The following SLC26A8 variants were observed in gnomAD, a reference collection of about 807,000 sequenced individuals.
SLC26A8 encodes testis anion transporter 1.
SLC26A8 carries 70 observed loss-of-function variants against 105.0 expected under a neutral mutation model. The observed-to-expected ratio is 0.67, with a 90% CI of 0.55 to 0.81. The LOEUF (loss-of-function observed/expected upper bound fraction) is 0.81. Among genes scored for constraint, SLC26A8 ranks in the 40% least tolerant of loss-of-function variants. SLC26A8 has a pLI of 0.00. For missense variants in SLC26A8, 998 were observed against 1,181.8 expected, an observed-to-expected ratio of 0.84 and a Z score of 2.28; for synonymous variants, 415 against 438.3, an observed-to-expected ratio of 0.95 and a Z score of 0.66.
intron 11 of SLC26A8, among the ~76,000 whole-genome samples, chr6:35,963,449 A>T (rs1772390173): frequency 6.6e-6 from 1 of 152,162 alleles, no homozygotes. Flanking sequence ...AACCCACCAT[A>T]GCGCACTCAG....
intron 10 of SLC26A8, among the ~76,000 whole-genome samples, chr6:35,974,885 C>T (rs1014792341): frequency 2.0e-5 from 3 of 151,646 alleles, no homozygotes; most frequent in Non-Finnish European, 2.9e-5. Context: ...TACATGTGTG[C>T]GCCACAACAC....
intron 2 of SLC26A8, among the ~76,000 whole-genome samples, chr6:36,016,686 A>C (rs1417089420): frequency 1.3e-5 from 2 of 152,202 alleles, no homozygotes; most frequent in Non-Finnish European, 2.9e-5. Flanking sequence ...AAAATTATTC[A>C]ACCAAGACCG....
intron 10 of SLC26A8, among the ~76,000 whole-genome samples, chr6:35,971,102 A>T (rs1772780868): frequency 6.6e-6 from 1 of 152,148 alleles, no homozygotes; most frequent in South Asian, 2.1e-4. Context: ...CAAATCCCAT[A>T]AAATTAGCTG....
chr6:35,964,422 G>A (rs954112097), intron 11 of SLC26A8, among the ~76,000 whole-genome samples: 5 of 152,116 alleles, frequency 3.3e-5, no homozygotes, highest in Admixed American at 1.3e-4. Flanking sequence ...TGAGGCAGGC[G>A]AATCTCTTGA....
At chr6:36,016,324 A>G (rs1212808473) in intron 2 of SLC26A8, among the ~76,000 whole-genome samples, 1 of 152,066 alleles carries the variant, frequency 6.6e-6, no homozygotes, top group Non-Finnish European at 1.5e-5. Flanking sequence ...GTGGACCCCC[A>G]AGGAGTCTGT....
At chr6:36,012,569 G>T (rs890551949) in intron 2 of SLC26A8, among the ~76,000 whole-genome samples, 197 bp from the exon 3 acceptor site, 1 of 151,576 alleles carries the variant, frequency 6.6e-6, no homozygotes, top group South Asian at 2.1e-4. Flanking sequence ...AGCATCCCTC[G>T]TCTCTACACA....
Position 35,999,653 on chromosome 6 carries a change from T to A in SLC26A8, c.445+339A>T, listed in dbSNP as rs551074505. Among the ~76,000 whole-genome samples, 5 of 152,320 alleles carry A rather than the reference T, an allele frequency of 3.3e-5. No homozygotes were observed. In the East Asian group the frequency reaches 9.6e-4, roughly 29 times the overall value. ...TGGAGTTTGGTTATTATGGTTCAGA[T>A]GAAAGAAGTATCTGCTCTAGGAGTA... On this transcript the variant is annotated intron_variant, in intron 4 of 19. Coordinates refer to ENST00000490799, the MANE Select transcript of SLC26A8 (RefSeq NM_052961.4).
At chr6:35,983,729 T>G (rs1233844825) in intron 7 of SLC26A8, among the ~76,000 whole-genome samples, 4 of 152,048 alleles carry the variant, frequency 2.6e-5, no homozygotes, top group African/African-American at 7.2e-5. Context: ...TTTTTTGTAT[T>G]TTTTTAGTAG....
intron 5 of SLC26A8, among the ~76,000 whole-genome samples, chr6:35,997,526 C>T (rs1001328044): frequency 1.3e-5 from 2 of 152,192 alleles, no homozygotes; most frequent in Non-Finnish European, 2.9e-5. Context: ...TGTTTAATAT[C>T]TCATCCTAAA....
chr6:35,966,827 A>G (rs1772534536), intron 11 of SLC26A8, among the ~76,000 whole-genome samples: 2 of 152,350 alleles, frequency 1.3e-5, no homozygotes, highest in South Asian at 4.1e-4. Context: ...ATGCTATAAA[A>G]TTAATGTGAT....
chr6:35,956,604 G>T (rs1772071229), intron 16 of SLC26A8, among the ~76,000 whole-genome samples: 1 of 151,974 alleles, frequency 6.6e-6, no homozygotes, highest in African/African-American at 2.4e-5. Flanking sequence ...ACTCTACCTG[G>T]CAGTGTGCAC....
At chr6:35,970,007 A>G (rs1308555761) in intron 10 of SLC26A8, among the ~76,000 whole-genome samples, 2 of 152,118 alleles carry the variant, frequency 1.3e-5, no homozygotes, top group Non-Finnish European at 2.9e-5. Flanking sequence ...ATAGTCTTGA[A>G]CTCATTATAT....
chr6:35,994,393 C>T (rs1223447032), intron 5 of SLC26A8, among the ~76,000 whole-genome samples: 3 of 151,992 alleles, frequency 2.0e-5, no homozygotes, highest in Non-Finnish European at 2.9e-5. Context: ...GGATTACAGG[C>T]GTGAGCCACT....
In SLC26A8 at chr6:35,949,670, A is replaced by T. The variant is rs187064295; in HGVS notation, c.2472+1493T>A. ...ATATCGAGTATCATAATTATAAATT[A>T]AAAAATAGAGAAACTTCCATTTATA... On this transcript the variant is annotated intron_variant, in intron 19 of 19. Coordinates refer to ENST00000490799, the MANE Select transcript of SLC26A8 (RefSeq NM_052961.4). Among the ~76,000 whole-genome samples the T allele has an allele frequency of 7.2e-4, 109 of 152,224 alleles. No individual in the cohort carries two copies. In the East Asian group the frequency reaches 0.019, roughly 27 times the overall value.
At chr6:35,991,236 A>G (rs61043952) in intron 7 of SLC26A8, among the ~76,000 whole-genome samples, 2,355 of 103,738 alleles carry the variant, frequency 0.023, 58 homozygotes, top group African/African-American at 0.067. Context: ...CCCTGTCTCT[A>G]TTAAAAAAAA....
Position 36,024,595 on chromosome 6 carries a change from G to A in SLC26A8, c.-94C>T. 2 of 371,580 alleles carry A rather than the reference G, an allele frequency of 5.4e-6. No homozygotes were observed. The highest frequency in any genetic ancestry group is 1.1e-5 in the Non-Finnish European group (2 of 190,032). 23.0% of individuals were successfully genotyped at this position (371,580 alleles called of 1,614,324 possible). Reference sequence around the variant, plus strand: ...CGCTGCGGACGCGGATACCGGCGGCGGTTCCCGAGCCGTTGTGGCCTAGCC... The same window carrying A: ...CGCTGCGGACGCGGATACCGGCGGCAGTTCCCGAGCCGTTGTGGCCTAGCC... On this transcript the variant is annotated 5_prime_UTR_variant, in exon 1 of 20. Coordinates refer to ENST00000490799, the MANE Select transcript of SLC26A8 (RefSeq NM_052961.4).
At chr6:35,951,102 C>CCCAACCCCCCACAGCCCACAAAA in intron 19 of SLC26A8, 61 bp downstream of exon 19, 1 of 1,356,452 alleles carries the variant, frequency 7.4e-7, no homozygotes, top group Non-Finnish European at 1.0e-6. Context: ...CCACCCCTCA[C>CCCAACCCCCCACAGCCCACAAAA]CCATCCCCCC....
intron 1 of SLC26A8, among the ~76,000 whole-genome samples, chr6:36,022,977 C>T (rs1244421927): frequency 6.8e-6 from 1 of 146,752 alleles, no homozygotes; most frequent in Non-Finnish European, 1.5e-5. Flanking sequence ...GATTCTGATT[C>T]AGTAGGTCTT....
chr6:36,023,704 C>T (rs1399061311), intron 1 of SLC26A8, among the ~76,000 whole-genome samples: 2 of 152,034 alleles, frequency 1.3e-5, no homozygotes, highest in Non-Finnish European at 2.9e-5. Flanking sequence ...TCTATAATCA[C>T]GGAAAGGCAA....
Sources: gnomAD v4.1 joint callset for allele counts (sites outside exome capture counted in the v4.1 genomes callset) on GRCh38, gnomAD v4.1.1 for gene constraint, MANE v1.5 for transcripts, NCBI Gene and HGNC (gene_info 2026-07-23, HGNC 2026-07-21) for gene names.